The following EN2 variants were observed in gnomAD, a reference collection of about 807,000 sequenced individuals.
The protein encoded by EN2 is homeobox protein engrailed-2.
In EN2, 7 loss-of-function variants were observed where a neutral mutation model predicts 25.0. The ratio of observed to expected loss-of-function variants is 0.28; its 90% CI spans 0.16 to 0.53. EN2 has a LOEUF of 0.53. Among genes scored for constraint, EN2 ranks in the 20% least tolerant of loss-of-function variants. The pLI is 0.96. For missense variants in EN2, 524 were observed against 501.8 expected (o/e 1.04, Z -0.42); for synonymous variants, 277 against 243.3 (o/e 1.14, Z -1.29).
In EN2 at chr7:155,458,593, C is replaced by T. The variant is rs1437421421; in HGVS notation, c.216C>T (p.Asp72=). The T allele has an allele frequency of 1.4e-6, 2 of 1,478,880 alleles. No individual in the cohort carries two copies. Among genetic ancestry groups the T allele is most frequent in the East Asian group, 2.9e-5 (1 of 34,240 alleles). The allele number at this position is 1,478,880 out of a possible 1,614,324, so 91.6% of individuals were successfully genotyped here. A position where few individuals can be genotyped will look rare whatever the true frequency, so the allele number is the denominator to read the frequency against. The change falls in exon 1 of 2, where the codon GAC becomes GAT. Residue 72 remains aspartate (D), a synonymous_variant. Transcript: ENST00000297375. ...HPHRITNFFI[D]NILRPEFGRR... ...ACCGCATCACCAACTTCTTCATCGA[C>T]AACATCCTGCGGCCCGAGTTCGGCC... is the stretch of plus-strand genomic sequence containing the variant.
At chr7:155,459,199 C>G in intron 1 of EN2, 137 bp downstream of exon 1, 1 of 1,027,026 alleles carries the variant, frequency 9.7e-7, no homozygotes, top group East Asian at 3.1e-5. Context: ...ACTCACGCGA[C>G]ATTGTGTGAA....
rs1222369213 is a variant in EN2, at chr7:155,464,750, A to C, written c.*2063A>C. On this transcript the variant is annotated 3_prime_UTR_variant, in exon 2 of 2. Transcript: ENST00000297375. ...TACAACTGTGCTTATCAAAATTGTG[A>C]ACACCCCCACCCCCGCATTTTTGTG... The C allele has an allele frequency of 6.6e-6, 1 of 152,494 alleles. No homozygotes were observed. The highest frequency in any genetic ancestry group is 1.5e-5 in the Non-Finnish European group (1 of 68,038). 9.4% of individuals were successfully genotyped at this position (152,494 alleles called of 1,614,324 possible). A position where few individuals can be genotyped will look rare whatever the true frequency, so the allele number is the denominator to read the frequency against.
chr7:155,459,870 T>C (rs1174155044), intron 1 of EN2, among the ~76,000 whole-genome samples: 1 of 152,254 alleles, frequency 6.6e-6, no homozygotes, highest in Non-Finnish European at 1.5e-5. Flanking sequence ...GCAGGGGCCC[T>C]GCAGAGATGC....
intron 1 of EN2, among the ~76,000 whole-genome samples, chr7:155,460,110 G>A (rs1795678110): frequency 6.6e-6 from 1 of 152,216 alleles, no homozygotes; most frequent in South Asian, 2.1e-4. Context: ...CCGCCATCCC[G>A]CAGAACTATG....
chr7:155,459,513 G>T (rs1795671204), intron 1 of EN2, among the ~76,000 whole-genome samples: 1 of 152,166 alleles, frequency 6.6e-6, no homozygotes, highest in Non-Finnish European at 1.5e-5. Context: ...GGCCGGGGAC[G>T]CATGCCCCAG....
rs1249360154 is a variant in EN2, at chr7:155,464,381, A to C, written c.*1694A>C. On this transcript the variant is annotated 3_prime_UTR_variant, in exon 2 of 2. Coordinates refer to ENST00000297375, the MANE Select transcript of EN2 (RefSeq NM_001427.4). ...GCCCACGGCTGACCCAGGGGTGTGC[A>C]CACGGCTGAGCTGGGAGTCCCGCTG... The C allele has an allele frequency of 6.6e-6, 1 of 152,570 alleles. No homozygotes were observed. The highest frequency in any genetic ancestry group is 1.5e-5 in the Non-Finnish European group (1 of 68,060). The allele number at this position is 152,570 out of a possible 1,614,324, so 9.5% of individuals were successfully genotyped here.
chr7:155,458,640 G>T lies in EN2; in HGVS notation c.263G>T (p.Cys88Phe). The change falls in exon 1 of 2, where the codon TGC becomes TTC. Residue 88 changes from cysteine (C) to phenylalanine (F), a missense_variant. Transcript: ENST00000297375. The stretch of plus-strand genomic sequence containing the variant: ...GGCCGGCGAAAGGACGCGGGGACCT[G>T]CTGTGCGGGCGCGGGAGGAGGAAGG... The part of the protein sequence containing the change: ...EFGRRKDAGT[C>F]CAGAGGGRGG... The T allele has an allele frequency of 7.0e-7, 1 of 1,427,240 alleles. No individual in the cohort carries two copies. Among genetic ancestry groups the T allele is most frequent in the Non-Finnish European group, 9.2e-7 (1 of 1,088,340 alleles). 88.4% of individuals were successfully genotyped at this position (1,427,240 alleles called of 1,614,324 possible).
intron 1 of EN2, 87 bp downstream of exon 1, chr7:155,459,149 A>G: frequency 7.3e-7 from 1 of 1,370,894 alleles, no homozygotes; most frequent in Non-Finnish European, 9.6e-7. Flanking sequence ...ACTTACCGGG[A>G]GGAAAACATC....
chr7:155,458,639 T>C lies in EN2; in HGVS notation c.262T>C (p.Cys88Arg). 1 of 1,428,230 alleles carries C rather than the reference T, an allele frequency of 7.0e-7. No individual in the cohort carries two copies. The highest frequency in any genetic ancestry group is 9.2e-7 in the Non-Finnish European group (1 of 1,088,732). The allele number at this position is 1,428,230 out of a possible 1,614,324, so 88.5% of individuals were successfully genotyped here. Reference protein sequence around the residue: ...EFGRRKDAGTCCAGAGGGRGG... With the variant: ...EFGRRKDAGTRCAGAGGGRGG... ...CGGCCGGCGAAAGGACGCGGGGACC[T>C]GCTGTGCGGGCGCGGGAGGAGGAAG... The change falls in exon 1 of 2, where the codon TGC (cysteine) becomes CGC (arginine). Residue 88 changes from cysteine to arginine, a missense_variant. Transcript: ENST00000297375.
Position 155,458,809 on chromosome 7 carries a change from A to C in EN2, c.432A>C (p.Pro144=). The part of the protein sequence containing the change: ...PCAPGAGGPL[P]AAGSDSPGDG... ...CGCCCGGCGCGGGCGGGCCGCTCCC[A>C]GCCGCCGGCAGCGACTCTCCGGGTG... is the stretch of plus-strand genomic sequence containing the variant. The change falls in exon 1 of 2, where the codon CCA becomes CCC. Residue 144 remains proline (P), a synonymous_variant. Transcript: ENST00000297375. 6.4e-6 allele frequency: 9 copies of C among 1,404,344 alleles called. No homozygotes were observed. Among genetic ancestry groups the C allele is most frequent in the Non-Finnish European group, 8.3e-6 (9 of 1,090,844 alleles). The allele number at this position is 1,404,344 out of a possible 1,614,324, so 87.0% of individuals were successfully genotyped here.
Position 155,462,815 on chromosome 7 carries a change from T to G in EN2, c.*128T>G. ...AAATATTGTGTATTAGCTAAGGTTC[T>G]GAAATATTCTATGTATATATCATTT... On this transcript the variant is annotated 3_prime_UTR_variant, in exon 2 of 2. Transcript: ENST00000297375. The G allele has an allele frequency of 8.7e-7, 1 of 1,150,062 alleles. No individual in the cohort carries two copies. Among genetic ancestry groups the G allele is most frequent in the Non-Finnish European group, 1.2e-6 (1 of 842,370 alleles). The allele number at this position is 1,150,062 out of a possible 1,614,324, so 71.2% of individuals were successfully genotyped here. A position where few individuals can be genotyped will look rare whatever the true frequency, so the allele number is the denominator to read the frequency against.
At chr7:155,459,165 C>T (rs1476138109) in intron 1 of EN2, 103 bp downstream of exon 1, 8 of 1,239,666 alleles carry the variant, frequency 6.5e-6, no homozygotes, top group African/African-American at 6.4e-5. Flanking sequence ...ACATCTCGAA[C>T]CTCCCCCGCG....
chr7:155,459,663 G>A (rs1359714987), intron 1 of EN2, among the ~76,000 whole-genome samples: 1 of 152,260 alleles, frequency 6.6e-6, no homozygotes, highest in East Asian at 1.9e-4. Flanking sequence ...CAGGGAAGGA[G>A]GAAAATAAAG....
chr7:155,461,482 G>A (rs1024075332), intron 1 of EN2, among the ~76,000 whole-genome samples: 1 of 152,226 alleles, frequency 6.6e-6, no homozygotes, highest in South Asian at 2.1e-4. Flanking sequence ...CAGGGAGAAG[G>A]CCAGGTCAGG....
At position 155,458,434 on chromosome 7, in the gene EN2, G is replaced by A; in HGVS notation, c.57G>A (p.Arg19=). 1 of 1,304,044 alleles carries A rather than the reference G, an allele frequency of 7.7e-7. No homozygotes were observed. 80.8% of individuals were successfully genotyped at this position (1,304,044 alleles called of 1,614,324 possible). ...CAGCGGCGGCGGTGGAGGGACAGCG[G>A]CAGCCGGAATCCAGCCCCGGCGGCG... ...GEAAAAVEGQ[R]QPESSPGGGS... The change falls in exon 1 of 2, where the codon CGG becomes CGA. Residue 19 remains arginine, a synonymous_variant. Transcript: ENST00000297375.
chr7:155,458,188 C>A lies in EN2; in HGVS notation c.-190C>A. 1.5e-6 allele frequency: 1 copy of A among 663,082 alleles called. No homozygotes were observed. The highest frequency in any genetic ancestry group is 2.2e-6 in the Non-Finnish European group (1 of 462,524). The allele number at this position is 663,082 out of a possible 1,614,324, so 41.1% of individuals were successfully genotyped here. A position where few individuals can be genotyped will look rare whatever the true frequency, so the allele number is the denominator to read the frequency against. On this transcript the variant is annotated 5_prime_UTR_variant, in exon 1 of 2. Transcript: ENST00000297375. The stretch of plus-strand genomic sequence containing the variant: ...GTGTTTCTAACCCAGTTCGTGGATT[C>A]AAAGGTGGCTCCGCGCCGAGCGCGG...
chr7:155,462,352 G>C lies in EN2; in HGVS notation c.686-19G>C, dbSNP rs1263354710. 9 of 1,589,924 alleles carry C rather than the reference G, an allele frequency of 5.7e-6. No individual in the cohort carries two copies. The highest frequency in any genetic ancestry group is 7.7e-6 in the Non-Finnish European group (9 of 1,169,582). On this transcript the variant is annotated intron_variant, in intron 1 of 1. Coordinates refer to ENST00000297375, the MANE Select transcript of EN2 (RefSeq NM_001427.4). ...CCTCTGGGTAACCTGACTTCTCTCTGTCCACCGTATCTACCCAGGTCCCAG... is the reference window on the plus strand; with the variant it reads ...CCTCTGGGTAACCTGACTTCTCTCTCTCCACCGTATCTACCCAGGTCCCAG...
In EN2 at chr7:155,458,499, A is replaced by C. The variant is rs1795654270; in HGVS notation, c.122A>C (p.Asp41Ala). The C allele has an allele frequency of 1.5e-6, 2 of 1,316,148 alleles. No homozygotes were observed. The highest frequency in any genetic ancestry group is 6.3e-5 in the East Asian group (2 of 31,938). 81.5% of individuals were successfully genotyped at this position (1,316,148 alleles called of 1,614,324 possible). A position where few individuals can be genotyped will look rare whatever the true frequency, so the allele number is the denominator to read the frequency against. The stretch of plus-strand genomic sequence containing the variant: ...GGCGGTAGCAGCCCGGGCGAAGCGG[A>C]CACCGGGCGCCGGCGGGCTCTGATG... ...GGGGSSPGEA[D>A]TGRRRALMLP... is the part of the protein sequence containing the mutation. The change falls in exon 1 of 2, where the codon GAC becomes GCC. Residue 41 changes from aspartate to alanine, a missense_variant. Asp to Ala is a moderately radical substitution (Grantham distance 126, BLOSUM62 -2). Transcript: ENST00000297375.
rs1339596740 is a variant in EN2, at chr7:155,464,039, A to T, written c.*1352A>T. The T allele has an allele frequency of 6.6e-6, 1 of 152,096 alleles. No individual in the cohort carries two copies. 9.4% of individuals were successfully genotyped at this position (152,096 alleles called of 1,614,324 possible). ...ACACACCAGGCGTGTTTGAGTCCAC[A>T]GTTCTGAAACATGTGGCTACCTTGT... On this transcript the variant is annotated 3_prime_UTR_variant, in exon 2 of 2. Transcript: ENST00000297375.
Sources: gnomAD v4.1 joint callset for allele counts (sites outside exome capture counted in the v4.1 genomes callset) on GRCh38, gnomAD v4.1.1 for gene constraint, MANE v1.5 for transcripts, NCBI Gene and HGNC (gene_info 2026-07-23, HGNC 2026-07-21) for gene names.